Variants in PID1 observed in about 807,000 individuals in gnomAD.
PID1 encodes phosphotyrosine interaction domain containing 1, also known as PTB-containing, cubilin and LRP1-interacting protein.
In PID1, 10 loss-of-function variants were observed where a neutral mutation model predicts 19.1. That is an observed-to-expected ratio of 0.52 (90% CI 0.32 to 0.89). The LOEUF is 0.89. Ranked by LOEUF, PID1 falls within the 40% of genes least tolerant of loss-of-function variation. The probability of loss-of-function intolerance (pLI) is 0.03; values close to 1 mark genes in which losing one functional copy is unlikely to be tolerated. For synonymous variants in PID1, 130 were observed against 116.0 expected, an observed-to-expected ratio of 1.12 and a Z score of -0.78; for missense variants, 248 against 285.3, an observed-to-expected ratio of 0.87 and a Z score of 0.94.
At chr2:229,192,690 C>T (rs1691286830) in intron 1 of PID1, among the ~76,000 whole-genome samples, 2 of 152,046 alleles carry the variant, frequency 1.3e-5, no homozygotes, top group South Asian at 4.1e-4. Flanking sequence ...ATAGTGATAC[C>T]TATAATTTAC....
chr2:229,113,588 A>G (rs1406503316), intron 2 of PID1, among the ~76,000 whole-genome samples: 3 of 92,510 alleles, frequency 3.2e-5, no homozygotes, highest in Non-Finnish European at 7.3e-5. Flanking sequence ...GTATGTGTGT[A>G]TGCATATATG....
chr2:229,107,495 T>C (rs970062506), intron 2 of PID1, among the ~76,000 whole-genome samples: 1 of 119,554 alleles, frequency 8.4e-6, no homozygotes, highest in Non-Finnish European at 1.7e-5. Context: ...TCACTCTAAA[T>C]ATATCACCAA....
At chr2:229,256,056 G>A (rs1316011252) in intron 1 of PID1, among the ~76,000 whole-genome samples, 1 of 152,108 alleles carries the variant, frequency 6.6e-6, no homozygotes, top group Admixed American at 6.5e-5. Flanking sequence ...CCAACACAAG[G>A]TGAACTTGAG....
chr2:229,097,257 C>T (rs749757185), intron 2 of PID1, among the ~76,000 whole-genome samples: 5 of 152,146 alleles, frequency 3.3e-5, no homozygotes, highest in South Asian at 2.1e-4. Flanking sequence ...ACAACCCCCT[C>T]GCCCCGTCTT....
chr2:229,260,289 T>C (rs1283552251), intron 1 of PID1, among the ~76,000 whole-genome samples: 2 of 151,682 alleles, frequency 1.3e-5, no homozygotes, highest in Non-Finnish European at 2.9e-5. Flanking sequence ...AAACAGAACA[T>C]GAACACAACC....
chr2:229,055,287 T>C (rs938274045), intron 2 of PID1, among the ~76,000 whole-genome samples: 1 of 152,198 alleles, frequency 6.6e-6, no homozygotes, highest in African/African-American at 2.4e-5. Context: ...GGCAGCTGAC[T>C]TCCTACAATT....
At chr2:229,177,727 T>TTCATCATCATCATCA (rs375569112) in intron 1 of PID1, among the ~76,000 whole-genome samples, 3 of 151,742 alleles carry the variant, frequency 2.0e-5, no homozygotes, top group African/African-American at 4.8e-5. Context: ...CCTGGCATCT[T>TTCATCATCATCATCA]TCATCATCAT....
intron 2 of PID1, among the ~76,000 whole-genome samples, chr2:229,093,355 C>T (rs1188544827): frequency 6.6e-6 from 1 of 151,962 alleles, no homozygotes; most frequent in Non-Finnish European, 1.5e-5. Context: ...AATTCCTGGC[C>T]TCAAGTGATC....
chr2:229,054,180 T>C (rs1467676445), intron 2 of PID1, among the ~76,000 whole-genome samples: 1 of 152,196 alleles, frequency 6.6e-6, no homozygotes, highest in Non-Finnish European at 1.5e-5. Context: ...AATTAAGTGA[T>C]GGTTTGCTCA....
At chr2:229,242,156 G>A (rs1360949041) in intron 1 of PID1, among the ~76,000 whole-genome samples, 5 of 152,100 alleles carry the variant, frequency 3.3e-5, no homozygotes, top group Non-Finnish European at 5.9e-5. Context: ...ACAGGTGGGA[G>A]CCACCATGCC....
chr2:229,265,550 G>T (rs1690573680), intron 1 of PID1, among the ~76,000 whole-genome samples: 1 of 152,172 alleles, frequency 6.6e-6, no homozygotes, highest in Admixed American at 6.5e-5. Context: ...CTTTAAGGAG[G>T]TCTTTGGACA....
chr2:229,253,534 A>G (rs1190234867), intron 1 of PID1, among the ~76,000 whole-genome samples: 2 of 151,326 alleles, frequency 1.3e-5, no homozygotes, highest in East Asian at 2.0e-4. Flanking sequence ...AATGAGGATT[A>G]TCTTCATTCA....
At chr2:229,136,683 C>G (rs1327811776) in intron 2 of PID1, among the ~76,000 whole-genome samples, 2 of 152,280 alleles carry the variant, frequency 1.3e-5, no homozygotes, top group South Asian at 2.1e-4. Context: ...TCTTTGATTT[C>G]AATCTATTGA....
At chr2:229,094,209 A>T (rs1362708173) in intron 2 of PID1, among the ~76,000 whole-genome samples, 1 of 152,190 alleles carries the variant, frequency 6.6e-6, no homozygotes, top group African/African-American at 2.4e-5. Context: ...GCAAAAAAAT[A>T]AAATACCTAG....
At chr2:229,236,964 C>T (rs553211002) in intron 1 of PID1, among the ~76,000 whole-genome samples, 4 of 145,358 alleles carry the variant, frequency 2.8e-5, no homozygotes, top group East Asian at 2.0e-4. Context: ...GCCTAGCATG[C>T]GGCCTTCTCC....
intron 1 of PID1, among the ~76,000 whole-genome samples, chr2:229,251,460 A>T (rs1574759162): frequency 6.6e-6 from 1 of 152,126 alleles, no homozygotes; most frequent in South Asian, 2.1e-4. Flanking sequence ...CCAAGATGTG[A>T]GTTTTAACAT....
At chr2:229,118,487 G>A (rs1001961747) in intron 2 of PID1, among the ~76,000 whole-genome samples, 3 of 152,136 alleles carry the variant, frequency 2.0e-5, no homozygotes, top group East Asian at 3.9e-4. Flanking sequence ...GAGACTACAC[G>A]TGAGTCATTT....
At chr2:229,215,738 T>C (rs1170456189) in intron 1 of PID1, among the ~76,000 whole-genome samples, 1 of 152,202 alleles carries the variant, frequency 6.6e-6, no homozygotes, top group Admixed American at 6.5e-5. Flanking sequence ...TACACAGATA[T>C]GGCAGAGAAA....
At chr2:229,163,292 C>A (rs1031901897) in intron 1 of PID1, among the ~76,000 whole-genome samples, 1 of 152,106 alleles carries the variant, frequency 6.6e-6, no homozygotes, top group South Asian at 2.1e-4. Context: ...AAAACCTACA[C>A]CAATTTGGCA....
Sources: allele counts gnomAD v4.1 joint callset (sites outside exome capture counted in the v4.1 genomes callset), GRCh38; gene constraint gnomAD v4.1.1; transcripts MANE v1.5; gene names NCBI Gene and HGNC (gene_info 2026-07-23, HGNC 2026-07-21).